Variants in SERPINB8 observed in about 807,000 individuals in gnomAD.
SERPINB8 encodes serpin B8.
SERPINB8 carries 25 observed loss-of-function variants against 35.3 expected under a neutral mutation model. That is an observed-to-expected ratio of 0.71 (90% CI 0.52 to 0.99). The LOEUF is 0.99. Ranked by LOEUF, SERPINB8 falls within the 50% of genes least tolerant of loss-of-function variation. The pLI, the probability that SERPINB8 is intolerant of heterozygous loss-of-function variation, is 0.00. For missense variants in SERPINB8, 484 were observed against 446.5 expected (o/e 1.08, Z -0.76); for synonymous variants, 186 against 160.8 (o/e 1.16, Z -1.19).
intron 1 of SERPINB8, among the ~76,000 whole-genome samples, chr18:64,001,512 C>G (rs1386558913): frequency 8.2e-6 from 1 of 121,358 alleles, no homozygotes; most frequent in African/African-American, 3.3e-5. Context: ...TACTTAGAGA[C>G]AGAGTTCTGC....
At chr18:64,016,226 T>G (rs1167581054) in intron 7 of SERPINB8, among the ~76,000 whole-genome samples, 1 of 152,174 alleles carries the variant, frequency 6.6e-6, no homozygotes, top group East Asian at 1.9e-4. Context: ...TATCCAATGG[T>G]TCACATGGTT....
intron 1 of SERPINB8, among the ~76,000 whole-genome samples, chr18:64,001,756 G>T (rs970279313): frequency 6.6e-6 from 1 of 152,038 alleles, no homozygotes; most frequent in African/African-American, 2.4e-5. Flanking sequence ...GAAAGTGCTG[G>T]GGTTACAGGC....
chr18:64,004,950 A>C, exon 2 of SERPINB8: 1 of 398,030 alleles, frequency 2.5e-6, no homozygotes, highest in Middle Eastern at 6.3e-4. Context: ...GAAACTCTCT[A>C]AAAGAGGCAA....
chr18:64,015,304 T>C (rs2050944821), intron 7 of SERPINB8, among the ~76,000 whole-genome samples: 1 of 152,190 alleles, frequency 6.6e-6, no homozygotes, highest in African/African-American at 2.4e-5. Flanking sequence ...AGGAACTGGC[T>C]CCACGGAGGT....
At chr18:63,971,969 A>G (rs887008093) in intron 1 of SERPINB8, among the ~76,000 whole-genome samples, 11 of 150,024 alleles carry the variant, frequency 7.3e-5, no homozygotes, top group Non-Finnish European at 1.6e-4. Context: ...TTCACCACCT[A>G]CGGAATGCCT....
intron 1 of SERPINB8, among the ~76,000 whole-genome samples, chr18:64,001,434 T>C (rs2050873713): frequency 6.6e-6 from 1 of 152,086 alleles, no homozygotes; most frequent in Admixed American, 6.5e-5. Context: ...AGGCACTCGA[T>C]TTAAGGATTC....
rs568048204 is a variant in SERPINB8, at chr18:64,017,449, G to A, written c.*3-1461G>A. Among the ~76,000 whole-genome samples the A allele has an allele frequency of 1.6e-4, 25 of 152,122 alleles. 1 individual carries two copies. In the East Asian group the frequency reaches 3.9e-3, roughly 24 times the overall value. ...CAAACTTTGTGTATAGAGATCCATA[G>A]GTCAATCTGATTGACTTGATGATGA... On this transcript the variant is annotated intron_variant, in intron 7 of 7. Transcript: ENST00000636430.
chr18:64,016,987 G>A (rs938022858), intron 7 of SERPINB8, among the ~76,000 whole-genome samples: 5 of 152,174 alleles, frequency 3.3e-5, no homozygotes, highest in Non-Finnish European at 5.9e-5. Context: ...CACCTCTCTG[G>A]TGTTCCCATA....
Position 63,986,898 on chromosome 18 carries a change from A to G in SERPINB8, c.745A>G (p.Lys249Glu), listed in dbSNP as rs1216325475. The G allele has an allele frequency of 6.2e-7, 1 of 1,610,778 alleles. No individual in the cohort carries two copies. The highest frequency in any genetic ancestry group is 1.3e-5 in the African/African-American group (1 of 74,526). ...AVVEKALTYE[K>E]FKAWTNSEKL... ...GGTGGAAAAAGCACTTACATATGAGAAATTCAAAGCCTGGACAAATTCAGA... is the reference window on the plus strand; with the variant it reads ...GGTGGAAAAAGCACTTACATATGAGGAATTCAAAGCCTGGACAAATTCAGA... Residue 249 changes from lysine (K) to glutamate (E), a missense_variant, in exon 7 of 7, where the codon AAA (lysine) becomes GAA (glutamate). Lys to Glu is a moderately conservative substitution (Grantham distance 56, BLOSUM62 1). Transcript: ENST00000397985.
At chr18:64,017,047 C>T (rs2050953837) in intron 7 of SERPINB8, among the ~76,000 whole-genome samples, 1 of 152,196 alleles carries the variant, frequency 6.6e-6, no homozygotes, top group Non-Finnish European at 1.5e-5. Context: ...TTTCCCTCTT[C>T]CCAAGGCCTA....
downstream of SERPINB8, among the ~76,000 whole-genome samples, chr18:63,994,114 G>A (rs111953977): frequency 2.7e-4 from 41 of 152,034 alleles, no homozygotes; most frequent in African/African-American, 9.4e-4. Flanking sequence ...GGAACCTTGC[G>A]TTTGGGACTT....
At position 63,974,170 on chromosome 18, in the gene SERPINB8, C is replaced by A. The variant is rs1326994978; in HGVS notation, c.-11+4000C>A. Among the ~76,000 whole-genome samples the A allele has an allele frequency of 1.3e-5, 2 of 151,804 alleles. 1 individual carries two copies. The highest frequency in any genetic ancestry group is 4.9e-5 in the African/African-American group (2 of 41,214). ...TATTTATTTATTTACTTGTTTTTTT[C>A]TGAGGATTTCCATAGCACTTTCAAA... On this transcript the variant is annotated intron_variant, in intron 1 of 6. Transcript: ENST00000397985.
chr18:64,002,912 C>T (rs563377735), intron 1 of SERPINB8, among the ~76,000 whole-genome samples: 3 of 152,336 alleles, frequency 2.0e-5, no homozygotes, highest in Admixed American at 6.5e-5. Flanking sequence ...GCCCCCAAGC[C>T]GGCGGGGCCG....
At chr18:63,979,699 A>C in intron 2 of SERPINB8, 102 bp from the exon 3 acceptor site, 1,190 of 1,192,676 alleles carry the variant, frequency 1.0e-3, no homozygotes, top group Non-Finnish European at 1.3e-3. Context: ...TTTTTAAAGT[A>C]GGATCCTGTG....
intron 1 of SERPINB8, among the ~76,000 whole-genome samples, chr18:63,972,169 C>G (rs895833935): frequency 6.6e-6 from 1 of 152,126 alleles, no homozygotes; most frequent in African/African-American, 2.4e-5. Flanking sequence ...TGATCACACC[C>G]TCCTCCCTCA....
downstream of SERPINB8, among the ~76,000 whole-genome samples, chr18:64,007,792 T>C (rs1417451558): frequency 6.6e-6 from 1 of 152,096 alleles, no homozygotes; most frequent in Non-Finnish European, 1.5e-5. Flanking sequence ...AATCTGTCCT[T>C]GTGATCCAAT....
chr18:64,002,342 C>T (rs1300593964), intron 1 of SERPINB8, among the ~76,000 whole-genome samples: 1 of 152,032 alleles, frequency 6.6e-6, no homozygotes, highest in East Asian at 1.9e-4. Flanking sequence ...CAGGTGAGTC[C>T]CTGATACATG....
chr18:64,003,525 G>A (rs980836729), intron 1 of SERPINB8, among the ~76,000 whole-genome samples: 7 of 43,526 alleles, frequency 1.6e-4, no homozygotes, highest in African/African-American at 3.6e-4. Flanking sequence ...ACAAATGTGT[G>A]TGTGTGTGTG....
downstream of SERPINB8, among the ~76,000 whole-genome samples, chr18:63,991,540 C>T (rs967708954): frequency 1.3e-5 from 2 of 151,768 alleles, no homozygotes; most frequent in African/African-American, 2.4e-5. Flanking sequence ...AAATATAATA[C>T]AGGTTTTTTT....
Sources: allele counts gnomAD v4.1 joint callset (sites outside exome capture counted in the v4.1 genomes callset), GRCh38; gene constraint gnomAD v4.1.1; transcripts MANE v1.5; gene names NCBI Gene and HGNC (gene_info 2026-07-23, HGNC 2026-07-21).